ADAMTSL3: variants seen among roughly 807,000 people sequenced by gnomAD.
ADAMTSL3 encodes ADAMTS-like protein 3.
A neutral mutation model predicts 201.7 loss-of-function variants in ADAMTSL3; 128 were observed. That is an observed-to-expected ratio of 0.63 (90% CI 0.55 to 0.73). The LOEUF (loss-of-function observed/expected upper bound fraction) is 0.73, where lower values mean the gene tolerates loss of function less well. ADAMTSL3 is among the 30% of genes least tolerant of loss of function. ADAMTSL3 has a pLI of 0.00. For missense variants in ADAMTSL3, 1,990 were observed against 2,119.6 expected, an observed-to-expected ratio of 0.94 and a Z score of 1.20; for synonymous variants, 738 against 748.4, an observed-to-expected ratio of 0.99 and a Z score of 0.23.
At chr15:83,850,606 CT>C (rs1027429572) in intron 7 of ADAMTSL3, among the ~76,000 whole-genome samples, 40 of 152,142 alleles carry the variant, frequency 2.6e-4, no homozygotes, top group African/African-American at 9.4e-4. Context: ...CTTGAAAAAA[CT>C]GTTTACATTT....
Position 83,773,678 on chromosome 15 carries a change from A to C in ADAMTSL3, c.317+28A>C, listed in dbSNP as rs757733637. On this transcript the variant is annotated intron_variant, in intron 4 of 29. Transcript: ENST00000286744. ...TAGTGGTGGCTTCACTTGCTCCTGC[A>C]TGTGGAATGTGCCAGTGCCTCTGGA... 4 of 1,599,330 alleles carry C rather than the reference A, an allele frequency of 2.5e-6. No individual in the cohort carries two copies. In the East Asian group the frequency reaches 8.9e-5, roughly 36 times the overall value.
intron 22 of ADAMTSL3, 33 bp downstream of exon 22, chr15:83,988,851 GTTCT>G: frequency 2.2e-6 from 3 of 1,345,006 alleles, no homozygotes; most frequent in Non-Finnish European, 2.9e-6. Context: ...AGAATGCCTG[GTTCT>G]TTATTTTTTA....
intron 6 of ADAMTSL3, among the ~76,000 whole-genome samples, chr15:83,821,030 C>T (rs971171016): frequency 8.6e-5 from 13 of 151,624 alleles, no homozygotes; most frequent in Admixed American, 2.0e-4. Context: ...GCCAAGATCA[C>T]GCCACTGCAC....
intron 6 of ADAMTSL3, among the ~76,000 whole-genome samples, chr15:83,829,364 G>A (rs1567174260): frequency 6.6e-6 from 1 of 152,144 alleles, no homozygotes; most frequent in Non-Finnish European, 1.5e-5. Flanking sequence ...TGTGGGATCG[G>A]TGGTGATATC....
intron 15 of ADAMTSL3, among the ~76,000 whole-genome samples, chr15:83,904,159 T>G (rs2065790384): frequency 6.6e-6 from 1 of 151,824 alleles, no homozygotes; most frequent in Non-Finnish European, 1.5e-5. Flanking sequence ...ACCTGTTCCC[T>G]GGCCCAAGCA....
At chr15:83,771,180 T>A (rs868480633) in intron 3 of ADAMTSL3, among the ~76,000 whole-genome samples, 21 of 151,732 alleles carry the variant, frequency 1.4e-4, no homozygotes, top group South Asian at 2.1e-4. Context: ...TTTTTTTTTT[T>A]TTTTATTTTA....
intron 28 of ADAMTSL3, among the ~76,000 whole-genome samples, chr15:84,033,535 T>C (rs1479972391): frequency 2.0e-5 from 3 of 152,204 alleles, no homozygotes; most frequent in Non-Finnish European, 4.4e-5. Context: ...TGCACATGCC[T>C]GTGATCCCAG....
intron 19 of ADAMTSL3, among the ~76,000 whole-genome samples, chr15:83,959,937 C>T (rs1365830321): frequency 3.3e-5 from 5 of 152,152 alleles, no homozygotes; most frequent in Non-Finnish European, 7.4e-5. Flanking sequence ...AAATATGTAT[C>T]ATTAAAAATG....
chr15:83,823,594 AC>A (rs1202508186), intron 6 of ADAMTSL3, among the ~76,000 whole-genome samples: 2 of 152,208 alleles, frequency 1.3e-5, no homozygotes, highest in African/African-American at 4.8e-5. Flanking sequence ...TTCCATCTTT[AC>A]TGCCTTTCTT....
At chr15:83,662,552 C>G (rs2141364017) in intron 2 of ADAMTSL3, among the ~76,000 whole-genome samples, 1 of 143,336 alleles carries the variant, frequency 7.0e-6, no homozygotes, top group East Asian at 2.0e-4. Context: ...CACATGTACC[C>G]TAAAACTTAA....
chr15:83,691,538 T>C (rs1441593318), intron 2 of ADAMTSL3, among the ~76,000 whole-genome samples: 1 of 152,216 alleles, frequency 6.6e-6, no homozygotes, highest in Non-Finnish European at 1.5e-5. Flanking sequence ...TTGTCTAGTT[T>C]GTGTGATTTT....
intron 4 of ADAMTSL3, among the ~76,000 whole-genome samples, chr15:83,781,518 G>A (rs560164285): frequency 1.2e-4 from 18 of 151,862 alleles, no homozygotes; most frequent in African/African-American, 4.3e-4. Context: ...CCTGGAAGAC[G>A]ATACCATTAT....
At chr15:83,796,199 G>A (rs2063423214) in intron 4 of ADAMTSL3, among the ~76,000 whole-genome samples, 2 of 152,228 alleles carry the variant, frequency 1.3e-5, no homozygotes, top group East Asian at 1.9e-4. Flanking sequence ...GTCCTAGTCA[G>A]TGTAGTAAGG....
chr15:84,002,936 C>CTT (rs368176543), intron 23 of ADAMTSL3, among the ~76,000 whole-genome samples: 2,840 of 99,932 alleles, frequency 0.028, 126 homozygotes, highest in African/African-American at 0.057. Flanking sequence ...CTTTTCTTTT[C>CTT]TTTTTTTTTT....
chr15:83,820,501 A>G (rs1463534694), intron 6 of ADAMTSL3, among the ~76,000 whole-genome samples: 1 of 152,198 alleles, frequency 6.6e-6, no homozygotes, highest in Non-Finnish European at 1.5e-5. Context: ...GGGCCCAAAG[A>G]TTTGCATTTC....
chr15:83,874,140 G>A (rs1017229420), intron 9 of ADAMTSL3, among the ~76,000 whole-genome samples: 3 of 144,326 alleles, frequency 2.1e-5, no homozygotes, highest in Non-Finnish European at 4.5e-5. Flanking sequence ...GATGTGGAAA[G>A]CCTTCTCCCT....
chr15:83,829,724 G>A (rs1483872760), intron 6 of ADAMTSL3, among the ~76,000 whole-genome samples: 1 of 152,116 alleles, frequency 6.6e-6, no homozygotes, highest in African/African-American at 2.4e-5. Context: ...CTGGTATGTT[G>A]TGTCTTTGTT....
At chr15:83,820,945 G>A (rs2063853520) in intron 6 of ADAMTSL3, among the ~76,000 whole-genome samples, 1 of 152,042 alleles carries the variant, frequency 6.6e-6, no homozygotes, top group African/African-American at 2.4e-5. Flanking sequence ...GTGATGGTGT[G>A]TGCCTGTAAT....
intron 28 of ADAMTSL3, among the ~76,000 whole-genome samples, chr15:84,035,252 C>T (rs1239984022): frequency 6.6e-6 from 1 of 152,148 alleles, no homozygotes; most frequent in East Asian, 1.9e-4. Flanking sequence ...AAGCAAAAGT[C>T]AACTTGGCAT....
Sources: gnomAD v4.1 joint callset for allele counts (sites outside exome capture counted in the v4.1 genomes callset) on GRCh38, gnomAD v4.1.1 for gene constraint, MANE v1.5 for transcripts, NCBI Gene and HGNC (gene_info 2026-07-23, HGNC 2026-07-21) for gene names.